ZNF226: variants seen among roughly 807,000 people sequenced by gnomAD.
ZNF226 encodes the protein zinc finger protein 226.
In ZNF226, 6 loss-of-function variants were observed where a neutral mutation model predicts 11.4. That is an observed-to-expected ratio of 0.53 (90% CI 0.29 to 1.04). The LOEUF (loss-of-function observed/expected upper bound fraction) is 1.04, where lower values mean the gene tolerates loss of function less well. Ranked by LOEUF, ZNF226 falls within the 50% of genes least tolerant of loss-of-function variation. ZNF226 has a pLI of 0.08. For synonymous variants in ZNF226, 350 were observed against 322.8 expected, an observed-to-expected ratio of 1.08 and a Z score of -0.90; for missense variants, 1,058 against 956.5, an observed-to-expected ratio of 1.11 and a Z score of -1.40.
At chr19:44,167,201 G>T (rs1467007850) in intron 2 of ZNF226, among the ~76,000 whole-genome samples, 1 of 152,048 alleles carries the variant, frequency 6.6e-6, no homozygotes, top group African/African-American at 2.4e-5. Flanking sequence ...TCTGCCTGAA[G>T]TGGGAAGATC....
intron 3 of ZNF226, 119 bp downstream of exon 3, chr19:44,170,214 G>C: frequency 1.1e-6 from 1 of 916,516 alleles, no homozygotes; most frequent in South Asian, 2.0e-5. Flanking sequence ...GAGTGTGCTA[G>C]GTGCTTATTT....
chr19:44,170,072 G>A lies in ZNF226; in HGVS notation c.-9G>A. 1.2e-6 allele frequency: 2 copies of A among 1,611,428 alleles called. No homozygotes were observed. Among genetic ancestry groups the A allele is most frequent in the Non-Finnish European group, 1.7e-6 (2 of 1,178,616 alleles). The stretch of plus-strand genomic sequence containing the variant: ...GGACTCTGCACTTCCCCAGAAGGAA[G>A]AATTAAAAATGAATATGTTCAAGGT... On this transcript the variant is annotated 5_prime_UTR_variant, in exon 3 of 6. Coordinates refer to ENST00000337433, the MANE Select transcript of ZNF226 (RefSeq NM_001032373.2).
At chr19:44,179,788 T>C (rs985041949), downstream of ZNF226, among the ~76,000 whole-genome samples, 1 of 151,706 alleles carries the variant, frequency 6.6e-6, no homozygotes, top group African/African-American at 2.4e-5. Flanking sequence ...AAAGGAATAA[T>C]AAAATTTACA....
chr19:44,178,560 G>A (rs748831358), downstream of ZNF226, among the ~76,000 whole-genome samples: 4 of 152,088 alleles, frequency 2.6e-5, no homozygotes, highest in African/African-American at 4.8e-5. Flanking sequence ...TGAGAAAAAG[G>A]ACAAAATATT....
At chr19:44,189,785 T>C in the ZNF226 span, among the ~76,000 whole-genome samples, 1 of 152,256 alleles carries the variant, frequency 6.6e-6, no homozygotes, top group African/African-American at 2.4e-5. Context: ...TTGAGAAAGC[T>C]GTCCACAGCA....
chr19:44,193,905 A>G, the ZNF226 span, among the ~76,000 whole-genome samples: 1 of 152,250 alleles, frequency 6.6e-6, no homozygotes, highest in African/African-American at 2.4e-5. Flanking sequence ...AGCTGCCTCA[A>G]GTGCCAGAGG....
chr19:44,167,314 CT>C (rs35919865), intron 2 of ZNF226, among the ~76,000 whole-genome samples: 312 of 105,666 alleles, frequency 3.0e-3, no homozygotes, highest in African/African-American at 7.3e-3. Flanking sequence ...ATTTCTTTAA[CT>C]TTTTTTTTTT....
chr19:44,171,224 G>C (rs1420591173), intron 3 of ZNF226, among the ~76,000 whole-genome samples: 1 of 152,044 alleles, frequency 6.6e-6, no homozygotes, highest in Non-Finnish European at 1.5e-5. Context: ...TAGGTATTCA[G>C]AATTGAAAAG....
At chr19:44,175,270 A>C in intron 5 of ZNF226, 3 of 1,396,286 alleles carry the variant, frequency 2.1e-6, no homozygotes, top group Non-Finnish European at 2.8e-6. Context: ...TGTGTTTTTA[A>C]ATGGGTTTCA....
the ZNF226 span, among the ~76,000 whole-genome samples, chr19:44,184,246 T>C: frequency 6.6e-6 from 1 of 152,180 alleles, no homozygotes; most frequent in Non-Finnish European, 1.5e-5. Flanking sequence ...GGTTAGAAGA[T>C]GGATAATACA....
Position 44,175,540 on chromosome 19 carries a change from A to G in ZNF226, c.278A>G (p.Glu93Gly), listed in dbSNP as rs1970595649. 1.2e-6 allele frequency: 2 copies of G among 1,610,988 alleles called. No homozygotes were observed. Among genetic ancestry groups the G allele is most frequent in the African/African-American group, 1.3e-5 (1 of 74,784 alleles). The change falls in exon 6 of 6, where the codon GAA (glutamate) becomes GGA (glycine). Residue 93 changes from glutamate (E) to glycine (G), a missense_variant. Glu to Gly is a moderately conservative substitution (Grantham distance 98). Coordinates refer to ENST00000337433, the MANE Select transcript of ZNF226 (RefSeq NM_001032373.2). ...QSKLITVQDRESEEELSCWQI... is the reference protein window; with the variant it reads ...QSKLITVQDRGSEEELSCWQI... Reference sequence around the variant, plus strand: ...AAGTTAATTACTGTTCAAGACAGAGAATCAGAAGAAGAGCTTTCTTGTTGG... The same window carrying G: ...AAGTTAATTACTGTTCAAGACAGAGGATCAGAAGAAGAGCTTTCTTGTTGG...
chr19:44,169,517 A>G (rs1312393200), intron 2 of ZNF226: 7 of 152,260 alleles, frequency 4.6e-5, no homozygotes, highest in Admixed American at 1.3e-4. Flanking sequence ...TGGAAATTAT[A>G]TTTTTAAGGA....
Position 44,171,990 on chromosome 19 carries a change from C to G in ZNF226, c.16-98C>G, listed in dbSNP as rs186447120. 8.7e-5 allele frequency: 131 copies of G among 1,503,652 alleles called. No individual in the cohort carries two copies. In the African/African-American group the frequency reaches 1.7e-3, roughly 20 times the overall value. The allele number at this position is 1,503,652 out of a possible 1,614,324, so 93.1% of individuals were successfully genotyped here. A position where few individuals can be genotyped will look rare whatever the true frequency, so the allele number is the denominator to read the frequency against. ...GGAGAAGGGCTGGGAAATCTACAAACGGCTGGGCATCCAGAACAACTTTCC... is the reference window on the plus strand; with the variant it reads ...GGAGAAGGGCTGGGAAATCTACAAAGGGCTGGGCATCCAGAACAACTTTCC... On this transcript the variant is annotated intron_variant, in intron 3 of 5. Coordinates refer to ENST00000337433, the MANE Select transcript of ZNF226 (RefSeq NM_001032373.2).
Position 44,172,168 on chromosome 19 carries a change from G to A in ZNF226, c.96G>A (p.Leu32=), listed in dbSNP as rs373985088. ...TGCTGGGCCCTGCCCAGAGGAAGCT[G>A]TACCGAGATGTGATGGTGGAGAACT... is the stretch of plus-strand genomic sequence containing the variant. ...LGLLGPAQRK[L]YRDVMVENFR... Residue 32 remains leucine, a synonymous_variant, in exon 4 of 6, where the codon CTG becomes CTA. Coordinates refer to ENST00000337433, the MANE Select transcript of ZNF226 (RefSeq NM_001032373.2). The A allele has an allele frequency of 2.9e-5, 46 of 1,613,040 alleles. No homozygotes were observed. In the African/African-American group the frequency reaches 6.0e-4, roughly 21 times the overall value.
rs1362957209 is a variant in ZNF226 at position 44,176,462 on chromosome 19, C to T, written c.1200C>T (p.Phe400=). 2.5e-6 allele frequency: 4 copies of T among 1,613,934 alleles called. No individual in the cohort carries two copies. Among genetic ancestry groups the T allele is most frequent in the African/African-American group, 1.3e-5 (1 of 74,892 alleles). Residue 400 remains phenylalanine (F), a synonymous_variant, in exon 6 of 6, where the codon TTC becomes TTT. Transcript: ENST00000337433. ...PFKCDACGKS[F]SRNSHLQSHQ... ...AATGTGATGCATGTGGTAAGAGCTT[C>T]AGTCGGAATTCACATCTTCAATCCC...
At chr19:44,194,777 A>G in the ZNF226 span, among the ~76,000 whole-genome samples, 2 of 152,234 alleles carry the variant, frequency 1.3e-5, no homozygotes, top group Non-Finnish European at 2.9e-5. Context: ...TAGACACAAG[A>G]ACATACAGAC....
intron 3 of ZNF226, among the ~76,000 whole-genome samples, chr19:44,170,540 T>C (rs936257128): frequency 6.6e-6 from 1 of 152,002 alleles, no homozygotes; most frequent in African/African-American, 2.4e-5. Context: ...ATCGAGACCA[T>C]CCTGGCTAAC....
the ZNF226 span, among the ~76,000 whole-genome samples, chr19:44,185,093 G>A: frequency 1.3e-5 from 2 of 152,232 alleles, no homozygotes; most frequent in African/African-American, 4.8e-5. Flanking sequence ...CCATGTGGCA[G>A]GATTTTCTTC....
chr19:44,174,924 C>T, intron 5 of ZNF226: 1 of 1,502,748 alleles, frequency 6.7e-7, no homozygotes, highest in Non-Finnish European at 9.1e-7. Context: ...ACCCCTACCT[C>T]AGGTACAGCT....
Sources: allele counts gnomAD v4.1 joint callset (sites outside exome capture counted in the v4.1 genomes callset), GRCh38; gene constraint gnomAD v4.1.1; transcripts MANE v1.5; gene names NCBI Gene and HGNC (gene_info 2026-07-23, HGNC 2026-07-21).